TAFA1: variants seen among roughly 807,000 people sequenced by gnomAD.
TAFA1 encodes chemokine-like protein TAFA-1.
In TAFA1, 4 loss-of-function variants were observed where a neutral mutation model predicts 18.5. The observed-to-expected ratio is 0.22, with a 90% CI of 0.11 to 0.49. The LOEUF is 0.49. Ranked by LOEUF, TAFA1 falls within the 20% of genes least tolerant of loss-of-function variation. TAFA1 has a pLI of 0.98. For synonymous variants in TAFA1, 56 were observed against 55.2 expected (o/e 1.01, Z -0.06); for missense variants, 147 against 169.0 (o/e 0.87, Z 0.72).
At chr3:68,400,251 A>G (rs1403932179) in intron 2 of TAFA1, among the ~76,000 whole-genome samples, 1 of 152,206 alleles carries the variant, frequency 6.6e-6, no homozygotes, top group Admixed American at 6.6e-5. Context: ...GACATAGGCA[A>G]GCAGGAACAG....
intron 2 of TAFA1, among the ~76,000 whole-genome samples, chr3:68,217,698 T>C (rs1320215231): frequency 6.6e-6 from 1 of 152,070 alleles, no homozygotes; most frequent in Admixed American, 6.6e-5. Flanking sequence ...ATAATTTTTC[T>C]ATAAATCTAA....
chr3:68,399,084 C>G (rs1293565765), intron 2 of TAFA1, among the ~76,000 whole-genome samples: 1 of 152,042 alleles, frequency 6.6e-6, no homozygotes, highest in African/African-American at 2.4e-5. Flanking sequence ...TAGAGTTGAA[C>G]TAGATTATTC....
At position 68,466,919 on chromosome 3, in the gene TAFA1, G is replaced by A. The variant is rs981469848; in HGVS notation, c.259+49499G>A. 2.0e-5 allele frequency among the ~76,000 whole-genome samples: 3 copies of A among 152,184 alleles called. No individual in the cohort carries two copies. In the East Asian group the frequency reaches 5.8e-4, roughly 29 times the overall value. ...GTCGGCAGGTTCCGTGATGCCCCAT[G>A]AGCAGTAAAACCAGCAAGTTTTTAT... On this transcript the variant is annotated intron_variant, in intron 3 of 4. Coordinates refer to ENST00000478136, the MANE Select transcript of TAFA1 (RefSeq NM_213609.4).
At chr3:68,398,419 T>G (rs1352482169) in intron 2 of TAFA1, among the ~76,000 whole-genome samples, 4 of 152,104 alleles carry the variant, frequency 2.6e-5, no homozygotes, top group Non-Finnish European at 4.4e-5. Flanking sequence ...AAAAATTAAC[T>G]CAAGATAGAT....
chr3:68,498,675 G>A (rs2665529), intron 3 of TAFA1, among the ~76,000 whole-genome samples: 118,910 of 148,604 alleles, frequency 0.8, 47,667 homozygotes, highest in African/African-American at 0.88. Flanking sequence ...AGGATTAGAA[G>A]AAGGCTATTT....
intron 2 of TAFA1, among the ~76,000 whole-genome samples, chr3:68,083,015 C>T (rs945779295): frequency 3.9e-5 from 6 of 152,112 alleles, no homozygotes; most frequent in African/African-American, 9.7e-5. Context: ...CAAATTGTAC[C>T]TTAATTTGTG....
intron 3 of TAFA1, among the ~76,000 whole-genome samples, chr3:68,436,310 T>C (rs1453214806): frequency 6.6e-6 from 1 of 152,144 alleles, no homozygotes; most frequent in Admixed American, 6.6e-5. Flanking sequence ...ATCTACCTTA[T>C]ATGATCTACG....
At position 68,337,893 on chromosome 3, in the gene TAFA1, G is replaced by T. The variant is rs1264285481; in HGVS notation, c.119-79387G>T. On this transcript the variant is annotated intron_variant, in intron 2 of 4. Transcript: ENST00000478136. The stretch of plus-strand genomic sequence containing the variant: ...TTCCAGCTGAAAAAAGAGCAGTGTG[G>T]CATGCCTGAGACATTGAGTCCCCAA... Among the ~76,000 whole-genome samples the T allele has an allele frequency of 2.0e-5, 3 of 152,144 alleles. No homozygotes were observed. The East Asian group carries it at 5.8e-4, about 29-fold the overall frequency.
At chr3:68,532,632 A>G (rs1049778831) in intron 3 of TAFA1, among the ~76,000 whole-genome samples, 4 of 152,150 alleles carry the variant, frequency 2.6e-5, no homozygotes, top group African/African-American at 4.8e-5. Flanking sequence ...TTGGGTTTCC[A>G]TCACTTATCA....
At chr3:68,343,863 G>C (rs970377425) in intron 2 of TAFA1, among the ~76,000 whole-genome samples, 2 of 152,216 alleles carry the variant, frequency 1.3e-5, no homozygotes, top group African/African-American at 4.8e-5. Flanking sequence ...CAATTTTTGA[G>C]ATGGAGTTTT....
chr3:68,069,383 C>T (rs1389281636), intron 2 of TAFA1, among the ~76,000 whole-genome samples: 2 of 152,130 alleles, frequency 1.3e-5, no homozygotes, highest in Non-Finnish European at 2.9e-5. Context: ...TTTCGTGAGA[C>T]TTATTTACTA....
At chr3:68,198,695 T>C (rs900241755) in intron 2 of TAFA1, among the ~76,000 whole-genome samples, 4 of 151,586 alleles carry the variant, frequency 2.6e-5, no homozygotes, top group African/African-American at 9.7e-5. Flanking sequence ...TTTGTTAAGG[T>C]CTTTGGTCCA....
At chr3:68,532,646 G>A (rs889847626) in intron 3 of TAFA1, among the ~76,000 whole-genome samples, 1 of 151,998 alleles carries the variant, frequency 6.6e-6, no homozygotes, top group Non-Finnish European at 1.5e-5. Flanking sequence ...CTTATCATAA[G>A]TATCTCCATG....
intron 3 of TAFA1, among the ~76,000 whole-genome samples, chr3:68,452,270 C>T (rs2071577436): frequency 6.6e-6 from 1 of 152,098 alleles, no homozygotes; most frequent in Admixed American, 6.5e-5. Context: ...CATCTGTAAT[C>T]CCTGCACTTT....
At chr3:68,064,217 C>A (rs892449931) in intron 2 of TAFA1, among the ~76,000 whole-genome samples, 4 of 152,084 alleles carry the variant, frequency 2.6e-5, no homozygotes, top group Non-Finnish European at 4.4e-5. Flanking sequence ...CGTGAAAAAC[C>A]AGCTGGGAGG....
At chr3:68,379,164 T>C (rs262193) in intron 2 of TAFA1, among the ~76,000 whole-genome samples, 75,922 of 151,986 alleles carry the variant, frequency 0.5, 19,594 homozygotes, top group East Asian at 0.77. Context: ...ACAACCATGC[T>C]AGCATCTGTT....
chr3:68,524,335 A>G (rs1053768398), intron 3 of TAFA1, among the ~76,000 whole-genome samples: 4 of 152,102 alleles, frequency 2.6e-5, no homozygotes, highest in Admixed American at 1.3e-4. Context: ...CTTTTATTGG[A>G]TGAAAAAATC....
chr3:68,075,379 A>T (rs1304652172), intron 2 of TAFA1, among the ~76,000 whole-genome samples: 1 of 152,174 alleles, frequency 6.6e-6, no homozygotes, highest in African/African-American at 2.4e-5. Context: ...ACCAACTTGT[A>T]GTTTGTGATA....
intron 2 of TAFA1, among the ~76,000 whole-genome samples, chr3:68,302,416 C>A (rs527711736): frequency 7.9e-4 from 121 of 152,298 alleles, no homozygotes; most frequent in Non-Finnish European, 1.3e-3. Flanking sequence ...ATTATGACCT[C>A]TTCATACAGA....
Sources: gnomAD v4.1 joint callset for allele counts (sites outside exome capture counted in the v4.1 genomes callset) on GRCh38, gnomAD v4.1.1 for gene constraint, MANE v1.5 for transcripts, NCBI Gene and HGNC (gene_info 2026-07-23, HGNC 2026-07-21) for gene names.